Variants in PAFAH1B1 observed in about 807,000 individuals in gnomAD.
PAFAH1B1 encodes platelet-activating factor acetylhydrolase IB subunit beta.
PAFAH1B1 carries 2 observed loss-of-function variants against 57.5 expected under a neutral mutation model. The observed-to-expected ratio is 0.03, with a 90% confidence interval of 0.01 to 0.11. The LOEUF is 0.11. Among genes scored for constraint, PAFAH1B1 ranks in the 10% least tolerant of loss-of-function variants. PAFAH1B1 has a pLI of 1.00. For missense variants in PAFAH1B1, 257 were observed against 512.0 expected (o/e 0.50, Z 4.81); for synonymous variants, 152 against 169.6 (o/e 0.90, Z 0.81).
At position 2,674,247 on chromosome 17, in the gene PAFAH1B1, G is replaced by A; in HGVS notation, c.859G>A (p.Glu287Lys). Residue 287 changes from glutamate to lysine, a missense_variant, in exon 8 of 11, where the codon GAA becomes AAA. Physicochemically the swap from Glu to Lys is moderately conservative, Grantham distance 56. Transcript: ENST00000397195. Reference protein sequence around the residue: ...HVVECISWAPESSYSSISEAT... With the variant: ...HVVECISWAPKSSYSSISEAT... ...GGTAGAATGCATTTCCTGGGCTCCAGAAAGCTCATATTCCTCCATCTCTGA... is the reference window on the plus strand; with the variant it reads ...GGTAGAATGCATTTCCTGGGCTCCAAAAAGCTCATATTCCTCCATCTCTGA... 1 of 1,614,004 alleles carries A rather than the reference G, an allele frequency of 6.2e-7. No homozygotes were observed.
chr17:2,674,294 G>T lies in PAFAH1B1; in HGVS notation c.900+6G>T, dbSNP rs200211261. 1 of 1,595,794 alleles carries T rather than the reference G, an allele frequency of 6.3e-7. No individual in the cohort carries two copies. The highest frequency in any genetic ancestry group is 1.7e-5 in the Admixed American group (1 of 59,976). The stretch of plus-strand genomic sequence containing the variant: ...CTGAAGCAACAGGATCTGAGGTACT[G>T]TATATACAAATGTCTTCATGGTTTT... On this transcript the variant is annotated splice_donor_region_variant and intron_variant, in intron 8 of 10. Coordinates refer to ENST00000397195, the MANE Select transcript of PAFAH1B1 (RefSeq NM_000430.4).
rs775033502 is a variant in PAFAH1B1 at position 2,683,562 on chromosome 17, T to C, written c.*1760T>C. On this transcript the variant is annotated 3_prime_UTR_variant, in exon 11 of 11. Coordinates refer to ENST00000397195, the MANE Select transcript of PAFAH1B1 (RefSeq NM_000430.4). ...AGCTTTATGTCTAGCTTGTGTCTTTTTGTTTGTTTGCTTGTTTGTTTTTAG... is the reference window on the plus strand; with the variant it reads ...AGCTTTATGTCTAGCTTGTGTCTTTCTGTTTGTTTGCTTGTTTGTTTTTAG... 2.6e-5 allele frequency: 4 copies of C among 152,250 alleles called. No homozygotes were observed. Among genetic ancestry groups the C allele is most frequent in the African/African-American group, 4.8e-5 (2 of 41,458 alleles). The allele number at this position is 152,250 out of a possible 1,614,324, so 9.4% of individuals were successfully genotyped here. A position where few individuals can be genotyped will look rare whatever the true frequency, so the allele number is the denominator to read the frequency against.
At chr17:2,659,875 AT>A (rs2068992186) in intron 2 of PAFAH1B1, among the ~76,000 whole-genome samples, 1 of 152,144 alleles carries the variant, frequency 6.6e-6, no homozygotes, top group Non-Finnish European at 1.5e-5. Context: ...TTGAGACTTG[AT>A]TGATATCCTG....
At chr17:2,657,130 C>T (rs2068946572) in intron 2 of PAFAH1B1, among the ~76,000 whole-genome samples, 3 of 152,196 alleles carry the variant, frequency 2.0e-5, no homozygotes, top group Non-Finnish European at 4.4e-5. Context: ...CTGCCATTAA[C>T]TATTAGATTT....
Position 2,605,999 on chromosome 17 carries a change from C to T in PAFAH1B1, c.-191+11993C>T, listed in dbSNP as rs759139998. Among the ~76,000 whole-genome samples, 108 of 152,080 alleles carry T rather than the reference C, an allele frequency of 7.1e-4. 2 individuals are homozygous for T. The highest frequency in any genetic ancestry group is 1.9e-4 in the Non-Finnish European group (13 of 68,014). On this transcript the variant is annotated intron_variant, in intron 1 of 10. Coordinates refer to ENST00000397195, the MANE Select transcript of PAFAH1B1 (RefSeq NM_000430.4). ...TACTTTGCTTATGTATATAAAAGTACAAAAGTGAAATTATTCTTGAGCTGT... is the reference window on the plus strand; with the variant it reads ...TACTTTGCTTATGTATATAAAAGTATAAAAGTGAAATTATTCTTGAGCTGT...
intron 7 of PAFAH1B1, 113 bp downstream of exon 7, chr17:2,672,870 C>A (rs1428979677): frequency 1.4e-5 from 10 of 718,510 alleles, no homozygotes; most frequent in Non-Finnish European, 2.5e-5. Context: ...GAATTGAAGA[C>A]CAGCCTGGCC....
chr17:2,597,373 T>C (rs1396698088), intron 1 of PAFAH1B1, among the ~76,000 whole-genome samples: 1 of 151,406 alleles, frequency 6.6e-6, no homozygotes, highest in Non-Finnish European at 1.5e-5. Context: ...AGAATCATAA[T>C]TTATGCTTTT....
chr17:2,639,427 C>T (rs969258127), intron 2 of PAFAH1B1: 1 of 152,076 alleles, frequency 6.6e-6, no homozygotes, highest in Admixed American at 6.6e-5. Context: ...ATAATTAATG[C>T]AGATGCTTTA....
intron 1 of PAFAH1B1, among the ~76,000 whole-genome samples, chr17:2,637,511 A>C (rs552136018): frequency 6.6e-6 from 1 of 152,090 alleles, no homozygotes; most frequent in Non-Finnish European, 1.5e-5. Context: ...TTAAGCCCAG[A>C]GGGGGAAGGC....
At chr17:2,659,519 CCAAAAAA>C in intron 2 of PAFAH1B1, 1 of 112,492 alleles carries the variant, frequency 8.9e-6, no homozygotes. Flanking sequence ...GACTGCCTCG[CCAAAAAA>C]AAAAAAAAAA....
intron 5 of PAFAH1B1, among the ~76,000 whole-genome samples, chr17:2,668,713 T>C (rs574220280): frequency 2.1e-3 from 321 of 150,636 alleles, no homozygotes; most frequent in Non-Finnish European, 3.0e-3. Flanking sequence ...CGGTAGCTCA[T>C]GCCTGTAATC....
chr17:2,612,380 T>C (rs1425098336), intron 1 of PAFAH1B1, among the ~76,000 whole-genome samples: 1 of 151,338 alleles, frequency 6.6e-6, no homozygotes, highest in Non-Finnish European at 1.5e-5. Context: ...ATTTTTTGTA[T>C]TTTTTTTAGT....
At position 2,681,951 on chromosome 17, in the gene PAFAH1B1, A is replaced by G; in HGVS notation, c.*149A>G. 1.6e-6 allele frequency: 1 copy of G among 631,974 alleles called. No individual in the cohort carries two copies. Among genetic ancestry groups the G allele is most frequent in the Non-Finnish European group, 2.8e-6 (1 of 361,286 alleles). The allele number at this position is 631,974 out of a possible 1,614,324, so 39.1% of individuals were successfully genotyped here. A position where few individuals can be genotyped will look rare whatever the true frequency, so the allele number is the denominator to read the frequency against. On this transcript the variant is annotated 3_prime_UTR_variant, in exon 11 of 11. Transcript: ENST00000397195. ...ATTGAGCTTATTAAATGTTACACAC[A>G]AAGTATTCATGCATGGTGAATCCAA... is the stretch of plus-strand genomic sequence containing the variant.
At chr17:2,624,111 A>C (rs891728784) in intron 1 of PAFAH1B1, among the ~76,000 whole-genome samples, 1 of 152,224 alleles carries the variant, frequency 6.6e-6, no homozygotes, top group Admixed American at 6.5e-5. Flanking sequence ...TTGCTAAAAC[A>C]TAATAAGAGT....
intron 1 of PAFAH1B1, among the ~76,000 whole-genome samples, chr17:2,603,744 T>C (rs542053412): frequency 2.6e-5 from 4 of 151,850 alleles, no homozygotes; most frequent in African/African-American, 9.6e-5. Context: ...CCAGATTCTT[T>C]TTTTTTTTTT....
chr17:2,638,131 G>T lies in PAFAH1B1; in HGVS notation c.-158G>T. On this transcript the variant is annotated 5_prime_UTR_variant, in exon 2 of 11. Coordinates refer to ENST00000397195, the MANE Select transcript of PAFAH1B1 (RefSeq NM_000430.4). ...GAATCTTACTTGTTGAATATCTTCT[G>T]GTTACTAGTTGGATTCATTTGTGAA... 1 of 583,728 alleles carries T rather than the reference G, an allele frequency of 1.7e-6. No homozygotes were observed. The highest frequency in any genetic ancestry group is 3.1e-6 in the Non-Finnish European group (1 of 322,748). 36.2% of individuals were successfully genotyped at this position (583,728 alleles called of 1,614,324 possible).
intron 2 of PAFAH1B1, among the ~76,000 whole-genome samples, chr17:2,660,603 A>G (rs572233062): frequency 4.2e-4 from 64 of 152,282 alleles, no homozygotes; most frequent in African/African-American, 1.5e-3. Flanking sequence ...TTATGGCTGC[A>G]TAGTATTCCA....
intron 2 of PAFAH1B1, among the ~76,000 whole-genome samples, chr17:2,644,075 G>C (rs961003546): frequency 6.6e-6 from 1 of 151,292 alleles, no homozygotes; most frequent in African/African-American, 2.4e-5. Context: ...ATGAAGTCTT[G>C]CTATGTTGCC....
At chr17:2,614,349 C>G (rs1204568313) in intron 1 of PAFAH1B1, among the ~76,000 whole-genome samples, 1 of 152,096 alleles carries the variant, frequency 6.6e-6, no homozygotes, top group Non-Finnish European at 1.5e-5. Context: ...TTGTTGCTTT[C>G]TTACTGCAGT....
Sources: gnomAD v4.1 joint callset for allele counts (sites outside exome capture counted in the v4.1 genomes callset) on GRCh38, gnomAD v4.1.1 for gene constraint, MANE v1.5 for transcripts, NCBI Gene and HGNC (gene_info 2026-07-23, HGNC 2026-07-21) for gene names.